DNAJC21: variants seen among roughly 807,000 people sequenced by gnomAD.
The protein encoded by DNAJC21 is DnaJ heat shock protein family (Hsp40) member C21.
A neutral mutation model predicts 72.4 loss-of-function variants in DNAJC21; 63 were observed. The ratio of observed to expected loss-of-function variants is 0.87; its 90% CI spans 0.71 to 1.07. DNAJC21 has a LOEUF of 1.07. Ranked by LOEUF, DNAJC21 falls within the 50% of genes least tolerant of loss-of-function variation. The pLI is 0.00. For synonymous variants in DNAJC21, 203 were observed against 216.7 expected (o/e 0.94, Z 0.56); for missense variants, 634 against 644.8 (o/e 0.98, Z 0.18).
At chr5:34,952,411 C>A in intron 10 of DNAJC21, 1 of 261,550 alleles carries the variant, frequency 3.8e-6, no homozygotes, top group Non-Finnish European at 5.9e-6. Context: ...AATGCATAGG[C>A]CGTTTAACTT....
chr5:34,936,367 G>A, intron 4 of DNAJC21, 101 bp downstream of exon 4: 1 of 1,383,714 alleles, frequency 7.2e-7, no homozygotes, highest in Non-Finnish European at 9.8e-7. Flanking sequence ...CACCCAGGCT[G>A]CAGTGCAGTG....
chr5:34,950,681 C>T lies in DNAJC21; in HGVS notation c.1358+339C>T, dbSNP rs527282480. The stretch of plus-strand genomic sequence containing the variant: ...TCACATGAGAACAAGACTCCTGCTG[C>T]GTCCCTGGAGTGTCACTAAGCAAAT... On this transcript the variant is annotated intron_variant, in intron 10 of 11. Transcript: ENST00000648817. The T allele has an allele frequency of 1.1e-5, 11 of 1,003,024 alleles. No homozygotes were observed. The East Asian group carries it at 4.1e-4, about 37-fold the overall frequency. 62.1% of individuals were successfully genotyped at this position (1,003,024 alleles called of 1,614,324 possible). A position where few individuals can be genotyped will look rare whatever the true frequency, so the allele number is the denominator to read the frequency against.
At chr5:34,952,592 G>A (rs1288785534) in intron 10 of DNAJC21, 4 of 152,126 alleles carry the variant, frequency 2.6e-5, no homozygotes, top group African/African-American at 4.8e-5. Flanking sequence ...AAATGCCAAG[G>A]AAAATTGAAA....
Position 34,929,735 on chromosome 5 carries a change from G to GCGC in DNAJC21, c.-69_-67dup, listed in dbSNP as rs1017262229. ...GGACTCCCGCCGGAGAGGACTGCCA[G>GCGC]CGCCGCCGCCGCCGCCGCTTCGGCC... is the stretch of plus-strand genomic sequence containing the variant. On this transcript the variant is annotated 5_prime_UTR_variant, in exon 1 of 12. Transcript: ENST00000648817. The GCGC allele has an allele frequency of 4.8e-5, 30 of 620,634 alleles. No homozygotes were observed. The highest frequency in any genetic ancestry group is 6.9e-5 in the South Asian group (1 of 14,394). The allele number at this position is 620,634 out of a possible 1,614,324, so 38.4% of individuals were successfully genotyped here.
chr5:34,954,426 A>G, intron 11 of DNAJC21, 127 bp from the exon 12 acceptor site: 1 of 1,129,536 alleles, frequency 8.9e-7, no homozygotes, highest in Non-Finnish European at 1.2e-6. Flanking sequence ...CGTGTTTATT[A>G]CCTGTCCACT....
Position 34,934,724 on chromosome 5 carries a change from G to A in DNAJC21, c.191+816G>A, listed in dbSNP as rs1347882989. ...TTAACTTTTTGCTACAAGGAAATAG[G>A]TTTTAAGCTTTGACATAACTGTGCA... is the stretch of plus-strand genomic sequence containing the variant. On this transcript the variant is annotated intron_variant, in intron 2 of 11. Coordinates refer to ENST00000648817, the MANE Select transcript of DNAJC21 (RefSeq NM_001012339.3). 3.9e-5 allele frequency among the ~76,000 whole-genome samples: 6 copies of A among 152,134 alleles called. No homozygotes were observed. In the East Asian group the frequency reaches 7.7e-4, roughly 20 times the overall value.
At position 34,955,559 on chromosome 5, in the gene DNAJC21, ATCAC is replaced by A. The variant is rs1322408717; in HGVS notation, c.*849_*852del. The A allele has an allele frequency of 6.7e-6, 1 of 148,266 alleles. No homozygotes were observed. Among genetic ancestry groups the A allele is most frequent in the African/African-American group, 2.5e-5 (1 of 40,130 alleles). 9.2% of individuals were successfully genotyped at this position (148,266 alleles called of 1,614,324 possible). ...AGTTTTTGTTCTTTTTTTTTTTTCC[ATCAC>A]TCAGTGGAGAAAAGCTTTGTTAATG... On this transcript the variant is annotated 3_prime_UTR_variant, in exon 12 of 12. Transcript: ENST00000648817.
rs1765551264 is a variant in DNAJC21, at chr5:34,956,861, T to TA, written c.*2148dup. 6.6e-6 allele frequency: 1 copy of TA among 152,234 alleles called. No homozygotes were observed. The highest frequency in any genetic ancestry group is 1.5e-5 in the Non-Finnish European group (1 of 68,036). 9.4% of individuals were successfully genotyped at this position (152,234 alleles called of 1,614,324 possible). A position where few individuals can be genotyped will look rare whatever the true frequency, so the allele number is the denominator to read the frequency against. On this transcript the variant is annotated 3_prime_UTR_variant, in exon 12 of 12. Coordinates refer to ENST00000648817, the MANE Select transcript of DNAJC21 (RefSeq NM_001012339.3). ...CATCTAATTTCTCAGAACTTTTTCT[T>TA]ATCTCTAACACAGTTATTACCATAA... is the stretch of plus-strand genomic sequence containing the variant.
chr5:34,935,736 T>G lies in DNAJC21; in HGVS notation c.218T>G (p.Leu73Arg). The G allele has an allele frequency of 6.2e-7, 1 of 1,614,038 alleles. No individual in the cohort carries two copies. Among genetic ancestry groups the G allele is most frequent in the Non-Finnish European group, 8.5e-7 (1 of 1,179,962 alleles). ...AWYDNHREAL[L>R]KGGFDGEYQD... ...TATGATAATCATAGAGAGGCCCTAC[T>G]TAAAGGTGGGTTTGATGGCGAATAT... The change falls in exon 3 of 12, where the codon CTT becomes CGT. Residue 73 changes from leucine to arginine, a missense_variant. Transcript: ENST00000648817.
At chr5:34,952,329 GT>G (rs1218173640) in intron 10 of DNAJC21, 1 of 852,242 alleles carries the variant, frequency 1.2e-6, no homozygotes, top group Non-Finnish European at 1.4e-6. Flanking sequence ...ATGCCATTGT[GT>G]CCTTTTCTTG....
Position 34,929,851 on chromosome 5 carries a change from G to C in DNAJC21, c.32G>C (p.Arg11Pro), listed in dbSNP as rs772171513. MKCHYEALGV[R>P]RDASEEELKK... Reference sequence around the variant, plus strand: ...TGTCACTATGAGGCGCTGGGGGTGCGGCGCGACGCCAGCGAGGAGGAGCTC... The same window carrying C: ...TGTCACTATGAGGCGCTGGGGGTGCCGCGCGACGCCAGCGAGGAGGAGCTC... Residue 11 changes from arginine (R) to proline (P), a missense_variant, in exon 1 of 12, where the codon CGG becomes CCG. Arg to Pro is a moderately radical substitution (Grantham distance 103, BLOSUM62 -2). Transcript: ENST00000648817. The C allele has an allele frequency of 6.3e-7, 1 of 1,577,278 alleles. No individual in the cohort carries two copies. Among genetic ancestry groups the C allele is most frequent in the Non-Finnish European group, 8.6e-7 (1 of 1,162,608 alleles).
intron 1 of DNAJC21, 42 bp from the exon 2 acceptor site, chr5:34,933,773 C>T (rs1200736141): frequency 6.6e-6 from 10 of 1,516,790 alleles, no homozygotes; most frequent in Non-Finnish European, 8.2e-6. Flanking sequence ...AGATTCTGTC[C>T]TGTACGTTTT....
In DNAJC21 at chr5:34,933,630, T is replaced by C. The variant is rs572762692; in HGVS notation, c.98-185T>C. Among the ~76,000 whole-genome samples, 3 of 152,304 alleles carry C rather than the reference T, an allele frequency of 2.0e-5. No homozygotes were observed. In the East Asian group the frequency reaches 5.8e-4, roughly 29 times the overall value. ...GGCTTAGGGAAAAGCCTGAAATTTC[T>C]GCTTAGATTGTTGCTTTTAACAAAT... On this transcript the variant is annotated intron_variant, in intron 1 of 11. Coordinates refer to ENST00000648817, the MANE Select transcript of DNAJC21 (RefSeq NM_001012339.3).
At chr5:34,953,263 T>G (rs1580543315) in intron 10 of DNAJC21, among the ~76,000 whole-genome samples, 1 of 151,860 alleles carries the variant, frequency 6.6e-6, no homozygotes, top group East Asian at 1.9e-4. Flanking sequence ...AAGTGCTTTG[T>G]GCTTTTTTTT....
chr5:34,951,053 T>G, intron 10 of DNAJC21: 1 of 985,424 alleles, frequency 1.0e-6, no homozygotes, highest in Non-Finnish European at 1.2e-6. Flanking sequence ...GACGTGAAAA[T>G]GCTAACACTG....
In DNAJC21 at chr5:34,955,432, T is replaced by C. The variant is rs1765505063; in HGVS notation, c.*718T>C. ...TGTCCTCCCTAGGCACAGTGACAGC[T>C]GTAAAGTATGACGGAACAAGGTAGC... On this transcript the variant is annotated 3_prime_UTR_variant, in exon 12 of 12. Coordinates refer to ENST00000648817, the MANE Select transcript of DNAJC21 (RefSeq NM_001012339.3). The C allele has an allele frequency of 1.3e-5, 2 of 152,272 alleles. No individual in the cohort carries two copies. The highest frequency in any genetic ancestry group is 2.9e-5 in the Non-Finnish European group (2 of 68,058). The allele number at this position is 152,272 out of a possible 1,614,324, so 9.4% of individuals were successfully genotyped here. A position where few individuals can be genotyped will look rare whatever the true frequency, so the allele number is the denominator to read the frequency against.
At chr5:34,954,416 C>T (rs1765471595) in intron 11 of DNAJC21, 137 bp from the exon 12 acceptor site, 2 of 1,005,954 alleles carry the variant, frequency 2.0e-6, no homozygotes, top group Admixed American at 3.3e-5. Flanking sequence ...CTTTGTTGAA[C>T]GTGTTTATTA....
intron 1 of DNAJC21, among the ~76,000 whole-genome samples, chr5:34,933,015 G>A (rs922172359): frequency 1.3e-5 from 2 of 152,208 alleles, no homozygotes; most frequent in African/African-American, 2.4e-5. Context: ...ACCACCCTGA[G>A]GCAAGGACGC....
intron 9 of DNAJC21, among the ~76,000 whole-genome samples, chr5:34,946,030 G>A (rs1765167524): frequency 6.6e-6 from 1 of 152,028 alleles, no homozygotes; most frequent in African/African-American, 2.4e-5. Context: ...TGTTTAACAA[G>A]TATGCATGTA....
Sources: gnomAD v4.1 joint callset for allele counts (sites outside exome capture counted in the v4.1 genomes callset) on GRCh38, gnomAD v4.1.1 for gene constraint, MANE v1.5 for transcripts, NCBI Gene and HGNC (gene_info 2026-07-23, HGNC 2026-07-21) for gene names.